Variants in PACS1 observed in about 807,000 individuals in gnomAD.
The protein encoded by PACS1 is PACS-1.
A neutral mutation model predicts 115.0 loss-of-function variants in PACS1; 24 were observed. The observed-to-expected ratio is 0.21, with a 90% CI of 0.15 to 0.29. The LOEUF (loss-of-function observed/expected upper bound fraction) is 0.29. Ranked by LOEUF, PACS1 falls within the 10% of genes least tolerant of loss-of-function variation. The probability of loss-of-function intolerance (pLI) is 1.00; values close to 1 mark genes in which losing one functional copy is unlikely to be tolerated. For missense variants in PACS1, 838 were observed against 1,251.2 expected, an observed-to-expected ratio of 0.67 and a Z score of 4.98; for synonymous variants, 453 against 504.5, an observed-to-expected ratio of 0.90 and a Z score of 1.37.
chr11:66,241,978 C>T (rs966094973), intron 22 of PACS1, among the ~76,000 whole-genome samples: 4 of 152,226 alleles, frequency 2.6e-5, no homozygotes, highest in Admixed American at 1.3e-4. Context: ...CAGGGAGAGG[C>T]CTCTCTATAT....
At chr11:66,103,295 T>C (rs1396554701) in intron 1 of PACS1, among the ~76,000 whole-genome samples, 2 of 152,164 alleles carry the variant, frequency 1.3e-5, no homozygotes, top group Non-Finnish European at 2.9e-5. Flanking sequence ...GTGTCAATTA[T>C]ATGTAAAGTA....
At chr11:66,096,745 T>C (rs746821106) in intron 1 of PACS1, among the ~76,000 whole-genome samples, 29 of 151,826 alleles carry the variant, frequency 1.9e-4, no homozygotes, top group Non-Finnish European at 4.3e-4. Flanking sequence ...TCAGATGATC[T>C]GCCCACCTCG....
chr11:66,127,796 T>C (rs1858614980), intron 1 of PACS1, among the ~76,000 whole-genome samples: 2 of 152,182 alleles, frequency 1.3e-5, no homozygotes, highest in African/African-American at 2.4e-5. Context: ...TTTTAGTTAC[T>C]TGAGGGAAAA....
At chr11:66,143,613 T>G (rs1176656297) in intron 1 of PACS1, among the ~76,000 whole-genome samples, 1 of 152,148 alleles carries the variant, frequency 6.6e-6, no homozygotes, top group Non-Finnish European at 1.5e-5. Context: ...CGGTACTTAG[T>G]TTGGGAAGCC....
At chr11:66,196,654 A>G (rs1216073350) in intron 2 of PACS1, among the ~76,000 whole-genome samples, 2 of 152,126 alleles carry the variant, frequency 1.3e-5, no homozygotes, top group Non-Finnish European at 1.5e-5. Context: ...CTGTTATTCA[A>G]TGGCGTGATC....
chr11:66,217,569 C>T (rs778839645), intron 7 of PACS1: 5 of 456,092 alleles, frequency 1.1e-5, no homozygotes, highest in East Asian at 7.0e-5. Context: ...AGGGATGAAA[C>T]GGAGGCCAGA....
intron 1 of PACS1, among the ~76,000 whole-genome samples, chr11:66,187,394 T>C (rs188057004): frequency 6.6e-6 from 1 of 152,292 alleles, no homozygotes; most frequent in Admixed American, 6.5e-5. Context: ...TTCTGAACAC[T>C]AGAGCTTATT....
At chr11:66,113,157 G>A (rs190949308) in intron 1 of PACS1, among the ~76,000 whole-genome samples, 1 of 152,168 alleles carries the variant, frequency 6.6e-6, no homozygotes, top group Non-Finnish European at 1.5e-5. Flanking sequence ...TTATCAAAAT[G>A]TACAATTAAA....
chr11:66,171,988 A>G (rs911345145), intron 1 of PACS1, among the ~76,000 whole-genome samples: 4 of 152,146 alleles, frequency 2.6e-5, no homozygotes, highest in Non-Finnish European at 5.9e-5. Context: ...AAGTTAGTCA[A>G]TTTCCATTCT....
intron 2 of PACS1, among the ~76,000 whole-genome samples, chr11:66,198,537 T>A (rs1441277724): frequency 6.7e-6 from 1 of 148,206 alleles, no homozygotes; most frequent in African/African-American, 2.5e-5. Flanking sequence ...TCCATTTATA[T>A]GAAATAGGCA....
At chr11:66,184,128 A>G (rs954729038) in intron 1 of PACS1, among the ~76,000 whole-genome samples, 2 of 151,820 alleles carry the variant, frequency 1.3e-5, no homozygotes, top group African/African-American at 4.8e-5. Flanking sequence ...AAATTTGACC[A>G]CTTTGCTGTT....
Position 66,216,093 on chromosome 11 carries a change from C to A in PACS1, c.661-26C>A. The A allele has an allele frequency of 6.8e-6, 11 of 1,612,792 alleles. No individual in the cohort carries two copies. In the South Asian group the frequency reaches 1.1e-4, roughly 16 times the overall value. ...CTCCAGGTGCCTCTGTAGTAACACG[C>A]CTCCACCACCTCCCCTGGCTCCTAG... On this transcript the variant is annotated intron_variant, in intron 4 of 23. Coordinates refer to ENST00000320580, the MANE Select transcript of PACS1 (RefSeq NM_018026.4).
chr11:66,201,684 A>C (rs1353539865), intron 2 of PACS1, among the ~76,000 whole-genome samples: 2 of 141,246 alleles, frequency 1.4e-5, no homozygotes, highest in African/African-American at 2.6e-5. Context: ...TCTGAGACGG[A>C]GTTTTACTCT....
At chr11:66,182,124 C>T (rs1225033731) in intron 1 of PACS1, among the ~76,000 whole-genome samples, 1 of 152,188 alleles carries the variant, frequency 6.6e-6, no homozygotes, top group East Asian at 1.9e-4. Flanking sequence ...CACACCCTAC[C>T]TCTGAGGCCT....
chr11:66,217,235 A>G, intron 7 of PACS1: 1 of 287,668 alleles, frequency 3.5e-6, no homozygotes, highest in Non-Finnish European at 6.8e-6. Flanking sequence ...CTAAGCTTTA[A>G]TTACATCAGA....
At chr11:66,207,194 CG>C (rs1221931450) in intron 2 of PACS1, among the ~76,000 whole-genome samples, 1 of 152,162 alleles carries the variant, frequency 6.6e-6, no homozygotes, top group Non-Finnish European at 1.5e-5. Flanking sequence ...TGGCCAGACG[CG>C]GTGGCTCATG....
intron 4 of PACS1, among the ~76,000 whole-genome samples, chr11:66,213,213 G>C (rs561025920): frequency 6.6e-6 from 1 of 152,300 alleles, no homozygotes; most frequent in African/African-American, 2.4e-5. Flanking sequence ...ATTTGTATCA[G>C]TTATGGACCG....
intron 1 of PACS1, among the ~76,000 whole-genome samples, chr11:66,122,357 A>C (rs1858464590): frequency 6.6e-6 from 1 of 152,240 alleles, no homozygotes; most frequent in Non-Finnish European, 1.5e-5. Flanking sequence ...AGATGTACAA[A>C]GAAATTAATG....
chr11:66,074,907 T>C (rs1257703696), intron 1 of PACS1, among the ~76,000 whole-genome samples: 1 of 151,724 alleles, frequency 6.6e-6, no homozygotes, highest in African/African-American at 2.4e-5. Context: ...AACTCTTCCA[T>C]GCATTAGTTT....
Sources: gnomAD v4.1 joint callset for allele counts (sites outside exome capture counted in the v4.1 genomes callset) on GRCh38, gnomAD v4.1.1 for gene constraint, MANE v1.5 for transcripts, NCBI Gene and HGNC (gene_info 2026-07-23, HGNC 2026-07-21) for gene names.